Variants in LAMA3 observed in about 807,000 individuals in gnomAD.
LAMA3 encodes the protein laminin subunit alpha 3.
LAMA3 carries 281 observed loss-of-function variants against 402.0 expected under a neutral mutation model. That is an observed-to-expected ratio of 0.70 (90% confidence interval 0.63 to 0.77). The LOEUF (loss-of-function observed/expected upper bound fraction) is 0.77, where lower values mean the gene tolerates loss of function less well. Ranked by LOEUF, LAMA3 falls within the 30% of genes least tolerant of loss-of-function variation. LAMA3 has a pLI of 0.00. For synonymous variants in LAMA3, 1,431 were observed against 1,558.4 expected, an observed-to-expected ratio of 0.92 and a Z score of 1.93; for missense variants, 3,840 against 4,215.5, an observed-to-expected ratio of 0.91 and a Z score of 2.47.
chr18:23,814,568 A>G (rs1182589626), intron 15 of LAMA3, 66 bp downstream of exon 15: 4 of 1,009,040 alleles, frequency 4.0e-6, no homozygotes, highest in South Asian at 3.9e-5. Flanking sequence ...TGCCTCAGTG[A>G]CTAAATCCAC....
intron 61 of LAMA3, 148 bp downstream of exon 61, chr18:23,921,202 C>T (rs1599103280): frequency 1.0e-6 from 1 of 988,466 alleles, no homozygotes. Flanking sequence ...TTAAAATTTG[C>T]ACATTTCGGC....
chr18:23,790,958 G>A (rs1404531156), intron 12 of LAMA3, among the ~76,000 whole-genome samples: 1 of 151,372 alleles, frequency 6.6e-6, no homozygotes, highest in Non-Finnish European at 1.5e-5. Context: ...GCGCGATCTC[G>A]GTTCACTGCA....
rs1303321715 is a variant in LAMA3 at position 23,907,736 on chromosome 18, C to T, written c.6836-20C>T. The T allele has an allele frequency of 1.2e-6, 2 of 1,613,918 alleles. No homozygotes were observed. Among genetic ancestry groups the T allele is most frequent in the South Asian group, 1.1e-5 (1 of 91,056 alleles). On this transcript the variant is annotated intron_variant, in intron 53 of 74. Transcript: ENST00000313654. ...TGAACGTTTTAGATACTTATACCTCCCTATCTGTGTGTGCATTAGGTGATA... is the reference window on the plus strand; with the variant it reads ...TGAACGTTTTAGATACTTATACCTCTCTATCTGTGTGTGCATTAGGTGATA...
At chr18:23,690,870 CAATT>C (rs1197402395) in intron 1 of LAMA3, among the ~76,000 whole-genome samples, 2 of 117,312 alleles carry the variant, frequency 1.7e-5, no homozygotes, top group South Asian at 3.0e-4. Context: ...TCAGGCCTGG[CAATT>C]ATTTATTTAT....
At chr18:23,768,686 T>G (rs1003428448) in intron 8 of LAMA3, among the ~76,000 whole-genome samples, 6 of 152,220 alleles carry the variant, frequency 3.9e-5, no homozygotes, top group African/African-American at 1.4e-4. Flanking sequence ...TCACATGCAC[T>G]CATATGTTCA....
chr18:23,781,335 TG>T (rs2062433340), intron 11 of LAMA3: 1 of 455,346 alleles, frequency 2.2e-6, no homozygotes, highest in Non-Finnish European at 4.4e-6. Flanking sequence ...AGGCTTCCCT[TG>T]TCATGAATGT....
At chr18:23,855,213 G>A (rs1034405651) in intron 32 of LAMA3, among the ~76,000 whole-genome samples, 5 of 152,206 alleles carry the variant, frequency 3.3e-5, no homozygotes, top group South Asian at 2.1e-4. Flanking sequence ...TTTGCTAAAA[G>A]AAACGTTCAG....
chr18:23,699,533 C>G (rs777806841), intron 1 of LAMA3, among the ~76,000 whole-genome samples: 6 of 152,160 alleles, frequency 3.9e-5, no homozygotes, highest in Non-Finnish European at 8.8e-5. Flanking sequence ...AGGAAGGTGT[C>G]TGGTTCTCAT....
At chr18:23,912,579 A>C in intron 55 of LAMA3, 132 bp from the exon 56 acceptor site, 1 of 756,054 alleles carries the variant, frequency 1.3e-6, no homozygotes, top group African/African-American at 1.7e-5. Flanking sequence ...AGAGACATTC[A>C]CATTCCCTTG....
Position 23,784,126 on chromosome 18 carries a change from C to T in LAMA3, c.1572C>T (p.Arg524=), listed in dbSNP as rs1437636967. ...AGGGCCCTCGATGTGATACCTGCCG[C>T]TCTGGTTTCTACTCATTCCCTATTT... ...GVEGPRCDTC[R]SGFYSFPICQ... is the part of the protein sequence containing the mutation. Residue 524 remains arginine, a synonymous_variant, in exon 12 of 75, where the codon CGC becomes CGT. Transcript: ENST00000313654. 1.9e-6 allele frequency: 3 copies of T among 1,613,992 alleles called. No homozygotes were observed. Among genetic ancestry groups the T allele is most frequent in the Non-Finnish European group, 2.5e-6 (3 of 1,180,030 alleles).
intron 72 of LAMA3, 24 bp downstream of exon 72, chr18:23,950,183 G>A: frequency 6.2e-7 from 1 of 1,613,598 alleles, no homozygotes; most frequent in Non-Finnish European, 8.5e-7. Context: ...TGATGCCATG[G>A]GGAGGGTCTG....
Position 23,751,022 on chromosome 18 carries a change from T to C in LAMA3, c.789T>C (p.Leu263=), listed in dbSNP as rs371121135. The stretch of plus-strand genomic sequence containing the variant: ...CAACAAACATCCGCTTGCGTTTTCT[T>C]AGAACCAATACGCTTCTTGGACACC... The part of the protein sequence containing the change: ...TKATNIRLRF[L]RTNTLLGHLI... The change falls in exon 5 of 75, where the codon CTT becomes CTC. Residue 263 remains leucine, a synonymous_variant. Coordinates refer to ENST00000313654, the MANE Select transcript of LAMA3 (RefSeq NM_198129.4). The C allele has an allele frequency of 3.7e-6, 6 of 1,614,066 alleles. No homozygotes were observed. In the African/African-American group the frequency reaches 8.0e-5, roughly 22 times the overall value.
At position 23,943,913 on chromosome 18, in the gene LAMA3, A is replaced by G. The variant is rs2082616057; in HGVS notation, c.9152A>G (p.Asp3051Gly). Residue 3051 changes from aspartate to glycine, a missense_variant, in exon 69 of 75, where the codon GAT (aspartate) becomes GGT (glycine). Physicochemically the swap from Asp to Gly is moderately conservative, Grantham distance 94. Coordinates refer to ENST00000313654, the MANE Select transcript of LAMA3 (RefSeq NM_198129.4). ...CGTCTGGTCTTTGCACTGGGGACAG[A>G]TGGGAAAAAATTGAGGATCAAAAGC... is the stretch of plus-strand genomic sequence containing the variant. The part of the protein sequence containing the change: ...KGRLVFALGT[D>G]GKKLRIKSKE... 6.2e-6 allele frequency: 10 copies of G among 1,613,994 alleles called. No homozygotes were observed. The East Asian group carries it at 2.2e-4, about 36-fold the overall frequency.
chr18:23,826,593 G>A, intron 21 of LAMA3, 109 bp from the exon 22 acceptor site: 2 of 834,876 alleles, frequency 2.4e-6, no homozygotes, highest in Non-Finnish European at 4.0e-6. Context: ...AGTTTAACTA[G>A]CGACTTCACC....
At chr18:23,776,470 C>A (rs1007251984) in intron 10 of LAMA3, among the ~76,000 whole-genome samples, 1 of 152,096 alleles carries the variant, frequency 6.6e-6, no homozygotes, top group Non-Finnish European at 1.5e-5. Context: ...ACCAGCTATG[C>A]GAACTGTGAT....
intron 2 of LAMA3, among the ~76,000 whole-genome samples, chr18:23,742,946 T>A (rs1370543116): frequency 6.6e-6 from 1 of 152,178 alleles, no homozygotes; most frequent in East Asian, 1.9e-4. Context: ...GGAAGCTTAT[T>A]TTGTATGTGA....
In LAMA3 at chr18:23,933,767, C is replaced by A. The variant is rs1444852646; in HGVS notation, c.8709-15C>A. 6.2e-7 allele frequency: 1 copy of A among 1,613,920 alleles called. No homozygotes were observed. The highest frequency in any genetic ancestry group is 1.1e-5 in the South Asian group (1 of 91,064). ...CCAAGTTTGGCAGCATCTTTCATTT[C>A]TGCTCTTTTTCCAGGTTATCACTGA... On this transcript the variant is annotated splice_polypyrimidine_tract_variant and intron_variant, in intron 66 of 74. Transcript: ENST00000313654.
intron 74 of LAMA3, 150 bp downstream of exon 74, chr18:23,953,259 G>A: frequency 1.9e-6 from 2 of 1,050,200 alleles, no homozygotes; most frequent in Non-Finnish European, 2.9e-6. Context: ...TGCTGGAAAG[G>A]AGCACTTGTC....
chr18:23,833,946 C>T lies in LAMA3; in HGVS notation c.2942C>T (p.Ser981Phe), dbSNP rs867958353. Residue 981 changes from serine (S) to phenylalanine (F), a missense_variant, in exon 24 of 75, where the codon TCT becomes TTT. Ser to Phe is a radical substitution (Grantham distance 155, BLOSUM62 -2). Transcript: ENST00000313654. ...GATGTGAATGTGAAGAGCTCCGGGT[C>T]TGTTCTGGCAGGCCAGGTGAACATT... Reference protein sequence around the residue: ...VVDVNVKSSGSVLAGQVNIYS... With the variant: ...VVDVNVKSSGFVLAGQVNIYS... 1.2e-6 allele frequency: 2 copies of T among 1,614,102 alleles called. No homozygotes were observed. Among genetic ancestry groups the T allele is most frequent in the Non-Finnish European group, 1.7e-6 (2 of 1,180,062 alleles).
Sources: gnomAD v4.1 joint callset for allele counts (sites outside exome capture counted in the v4.1 genomes callset) on GRCh38, gnomAD v4.1.1 for gene constraint, MANE v1.5 for transcripts, NCBI Gene and HGNC (gene_info 2026-07-23, HGNC 2026-07-21) for gene names.